UTP20: variants seen among roughly 807,000 people sequenced by gnomAD.
UTP20 encodes UTP20 small subunit processome component.
Under a neutral mutation model 329.5 loss-of-function variants are expected in UTP20, and 164 were observed. The ratio of observed to expected loss-of-function variants is 0.50; its 90% confidence interval spans 0.44 to 0.57. The LOEUF (loss-of-function observed/expected upper bound fraction) is 0.57, where lower values mean the gene tolerates loss of function less well. Ranked by LOEUF, UTP20 falls within the 20% of genes least tolerant of loss-of-function variation. The probability of loss-of-function intolerance (pLI) is 0.00; values close to 1 mark genes in which losing one functional copy is unlikely to be tolerated. For missense variants in UTP20, 3,055 were observed against 3,284.2 expected, an observed-to-expected ratio of 0.93 and a Z score of 1.71; for synonymous variants, 1,151 against 1,159.3, an observed-to-expected ratio of 0.99 and a Z score of 0.14.
chr12:101,376,726 A>T (rs1338014379), intron 56 of UTP20, among the ~76,000 whole-genome samples: 1 of 152,106 alleles, frequency 6.6e-6, no homozygotes, highest in African/African-American at 2.4e-5. Flanking sequence ...AGCACACTGC[A>T]ACCTCCTCCG....
chr12:101,380,374 C>T (rs1226192189), intron 57 of UTP20, among the ~76,000 whole-genome samples: 1 of 150,396 alleles, frequency 6.6e-6, no homozygotes, highest in African/African-American at 2.4e-5. Context: ...GAGATCTTAT[C>T]TCAAAAAAAC....
At chr12:101,311,659 TGA>T in intron 19 of UTP20, 58 bp from the exon 20 acceptor site, 1 of 1,406,936 alleles carries the variant, frequency 7.1e-7, no homozygotes, top group African/African-American at 1.5e-5. Context: ...TTTTTTTCTA[TGA>T]GCAATCTTAA....
In UTP20 at chr12:101,329,352, A is replaced by G; in HGVS notation, c.3320A>G (p.Asn1107Ser). ...AACAGCCTTGAGATAGTATTGAAAAACATTAGTCATCTGATCAGCGCATAC... is the reference window on the plus strand; with the variant it reads ...AACAGCCTTGAGATAGTATTGAAAAGCATTAGTCATCTGATCAGCGCATAC... Reference protein sequence around the residue: ...ILNSLEIVLKNISHLISAYLP... With the variant: ...ILNSLEIVLKSISHLISAYLP... The change falls in exon 27 of 62, where the codon AAC (asparagine) becomes AGC (serine). Residue 1107 changes from asparagine to serine, a missense_variant. This residue lies in a region of UTP20 where 2,445 missense variants were observed against 2,575.5 expected (regional missense o/e 0.95). Coordinates refer to ENST00000261637, the MANE Select transcript of UTP20 (RefSeq NM_014503.3). 6.2e-7 allele frequency: 1 copy of G among 1,614,144 alleles called. No homozygotes were observed. Among genetic ancestry groups the G allele is most frequent in the Non-Finnish European group, 8.5e-7 (1 of 1,180,024 alleles).
intron 46 of UTP20, among the ~76,000 whole-genome samples, chr12:101,366,192 A>T (rs1441413639): frequency 1.3e-5 from 2 of 152,206 alleles, no homozygotes; most frequent in Non-Finnish European, 2.9e-5. Context: ...AGATCGCGCC[A>T]CTGTACTCCA....
At chr12:101,330,511 A>C (rs186468337) in intron 27 of UTP20, among the ~76,000 whole-genome samples, 1 of 152,340 alleles carries the variant, frequency 6.6e-6, no homozygotes, top group Non-Finnish European at 1.5e-5. Flanking sequence ...TGTTTTAAAA[A>C]TATTGCTTTA....
chr12:101,328,868 CAA>C (rs34117186), intron 26 of UTP20, among the ~76,000 whole-genome samples: 120 of 105,998 alleles, frequency 1.1e-3, no homozygotes, highest in South Asian at 8.0e-3. Context: ...GACTCTGTCT[CAA>C]AAAAAAAAAA....
At chr12:101,361,919 G>T in intron 43 of UTP20, 43 bp from the exon 44 acceptor site, 1 of 1,456,740 alleles carries the variant, frequency 6.9e-7, no homozygotes, top group South Asian at 1.1e-5. Flanking sequence ...TTCCTAGTGT[G>T]ACATTGTTAA....
chr12:101,370,340 G>C (rs1870242190), intron 49 of UTP20, 92 bp from the exon 50 acceptor site: 1 of 1,410,978 alleles, frequency 7.1e-7, no homozygotes, highest in African/African-American at 1.4e-5. Context: ...GTTTGGAAAA[G>C]CATACTTGTG....
rs112186688 is a variant in UTP20, at chr12:101,345,705, A to G, written c.4746+11A>G. 4 of 1,602,516 alleles carry G rather than the reference A, an allele frequency of 2.5e-6. No homozygotes were observed. The highest frequency in any genetic ancestry group is 2.2e-5 in the East Asian group (1 of 44,754). The stretch of plus-strand genomic sequence containing the variant: ...ATGAAGCACATTCAGGTAGAAGACA[A>G]TTCTGCTTTTTCCTACCTACGACAT... On this transcript the variant is annotated intron_variant, in intron 37 of 61. Transcript: ENST00000261637.
At chr12:101,321,977 A>G (rs1336845385) in intron 25 of UTP20, among the ~76,000 whole-genome samples, 7 of 147,012 alleles carry the variant, frequency 4.8e-5, no homozygotes, top group South Asian at 2.2e-4. Flanking sequence ...TGTTCCTAAC[A>G]TAAAGAAAGA....
At chr12:101,367,015 C>T (rs776609481) in intron 47 of UTP20, among the ~76,000 whole-genome samples, 1 of 152,036 alleles carries the variant, frequency 6.6e-6, no homozygotes, top group Non-Finnish European at 1.5e-5. Flanking sequence ...CATGGTGGCT[C>T]ACACCCATAA....
intron 11 of UTP20, 90 bp from the exon 12 acceptor site, chr12:101,295,390 C>T (rs1872313996): frequency 8.3e-7 from 1 of 1,203,130 alleles, no homozygotes; most frequent in Admixed American, 2.8e-5. Flanking sequence ...GATTCTTGAT[C>T]CTTTGTTTTT....
intron 2 of UTP20, among the ~76,000 whole-genome samples, chr12:101,283,837 T>G (rs1871873612): frequency 6.6e-6 from 1 of 152,176 alleles, no homozygotes; most frequent in African/African-American, 2.4e-5. Flanking sequence ...CATGAGCCAT[T>G]GTCCCCAGCC....
intron 56 of UTP20, among the ~76,000 whole-genome samples, chr12:101,376,709 C>T (rs557430970): frequency 1.3e-4 from 20 of 152,154 alleles, no homozygotes; most frequent in South Asian, 4.1e-4. Context: ...TTAAATGGCA[C>T]GATCTCAGCA....
At chr12:101,331,232 A>G (rs903599505) in intron 27 of UTP20, among the ~76,000 whole-genome samples, 2 of 152,224 alleles carry the variant, frequency 1.3e-5, no homozygotes, top group Admixed American at 6.5e-5. Context: ...AGTTACAGAA[A>G]TGAATAGAAC....
chr12:101,354,323 A>G (rs1291033323), intron 40 of UTP20, among the ~76,000 whole-genome samples: 4 of 152,116 alleles, frequency 2.6e-5, no homozygotes, highest in African/African-American at 9.6e-5. Context: ...TCTGATGAAA[A>G]CACCAGGCAC....
At chr12:101,310,597 A>AAAAAAAAAAAAAAAACAAC (rs1380114662) in intron 19 of UTP20, among the ~76,000 whole-genome samples, 1 of 150,342 alleles carries the variant, frequency 6.7e-6, no homozygotes, top group African/African-American at 2.5e-5. Flanking sequence ...AAAAAAAAAA[A>AAAAAAAAAAAAAAAACAAC]ATACATGTTA....
At chr12:101,330,679 C>T (rs922033450) in intron 27 of UTP20, among the ~76,000 whole-genome samples, 3 of 152,160 alleles carry the variant, frequency 2.0e-5, no homozygotes, top group African/African-American at 7.2e-5. Flanking sequence ...GTGACTTTGT[C>T]TGTATATGAA....
At chr12:101,288,349 T>C (rs12302386) in intron 5 of UTP20, among the ~76,000 whole-genome samples, 10,912 of 152,254 alleles carry the variant, frequency 0.072, 1,052 homozygotes, top group East Asian at 0.47. Context: ...ATATAAGTAA[T>C]TATTTAGTTA....
Sources: allele counts gnomAD v4.1 joint callset (sites outside exome capture counted in the v4.1 genomes callset), GRCh38; gene constraint gnomAD v4.1.1; regional missense constraint gnomAD v4.1.1; transcripts MANE v1.5; gene names NCBI Gene and HGNC (gene_info 2026-07-23, HGNC 2026-07-21).